RP9: variants seen among roughly 807,000 people sequenced by gnomAD.
RP9 encodes the protein retinitis pigmentosa 9 protein.
RP9 carries 23 observed loss-of-function variants against 32.6 expected under a neutral mutation model. The ratio of observed to expected loss-of-function variants is 0.71; its 90% CI spans 0.51 to 1.00. The LOEUF (loss-of-function observed/expected upper bound fraction) is 1.00, where lower values mean the gene tolerates loss of function less well. Ranked by LOEUF, RP9 falls within the 50% of genes least tolerant of loss-of-function variation. The probability of loss-of-function intolerance (pLI) is 0.00; values close to 1 mark genes in which losing one functional copy is unlikely to be tolerated. For synonymous variants in RP9, 94 were observed against 103.6 expected (o/e 0.91, Z 0.56); for missense variants, 245 against 285.3 (o/e 0.86, Z 1.02).
Position 33,095,142 on chromosome 7 carries a change from G to A in RP9, c.*92C>T, listed in dbSNP as rs532831695. 1.2e-5 allele frequency: 18 copies of A among 1,501,100 alleles called. No homozygotes were observed. The East Asian group carries it at 1.8e-4, about 15-fold the overall frequency. The allele number at this position is 1,501,100 out of a possible 1,614,324, so 93.0% of individuals were successfully genotyped here. ...TGTGACCCACATATACTCCTCTCTC[G>A]GCGTCTCTATCCTGCTGCTTTCTCT... On this transcript the variant is annotated 3_prime_UTR_variant, in exon 6 of 6. Coordinates refer to ENST00000297157, the MANE Select transcript of RP9 (RefSeq NM_203288.2).
At chr7:33,104,418 C>T (rs1378179075) in intron 1 of RP9, among the ~76,000 whole-genome samples, 2 of 151,714 alleles carry the variant, frequency 1.3e-5, no homozygotes, top group East Asian at 3.9e-4. Flanking sequence ...ATGAGTTTAC[C>T]TGTATAACAA....
At chr7:33,102,104 TATA>T (rs1223639750) in intron 1 of RP9, among the ~76,000 whole-genome samples, 1 of 152,164 alleles carries the variant, frequency 6.6e-6, no homozygotes, top group African/African-American at 2.4e-5. Context: ...CATTTGGAAA[TATA>T]ATATTATCAG....
intron 3 of RP9, among the ~76,000 whole-genome samples, chr7:33,098,818 T>A (rs1788380329): frequency 6.6e-6 from 1 of 152,158 alleles, no homozygotes. Context: ...ATTTTTATCT[T>A]CTATAAACCC....
At position 33,109,135 on chromosome 7, in the gene RP9, C is replaced by T; in HGVS notation, c.152+86G>A. 1 of 1,431,904 alleles carries T rather than the reference C, an allele frequency of 7.0e-7. No homozygotes were observed. The highest frequency in any genetic ancestry group is 9.2e-7 in the Non-Finnish European group (1 of 1,091,904). The allele number at this position is 1,431,904 out of a possible 1,614,324, so 88.7% of individuals were successfully genotyped here. A position where few individuals can be genotyped will look rare whatever the true frequency, so the allele number is the denominator to read the frequency against. On this transcript the variant is annotated intron_variant, in intron 1 of 5. Transcript: ENST00000297157. This position sits in a 1 kb window ranked among gnomAD's most constrained non-coding sequence, Gnocchi z 4.9. ...CCTGCTCGCGGGGGCTCGGAGGACC[C>T]GGCCTAGCGCCCACCGCGGCGTCCC...
At chr7:33,100,841 T>C (rs1788413672) in intron 1 of RP9, 1 of 586,696 alleles carries the variant, frequency 1.7e-6, no homozygotes, top group African/African-American at 1.9e-5. Context: ...AGTCTCCAGA[T>C]GGGACAGGCA....
chr7:33,096,294 A>C (rs1412804234), intron 5 of RP9, among the ~76,000 whole-genome samples, 199 bp downstream of exon 5: 3 of 152,216 alleles, frequency 2.0e-5, no homozygotes, highest in African/African-American at 7.2e-5. Flanking sequence ...CATGGCTTTA[A>C]GTTAACCCAA....
At chr7:33,102,713 A>G (rs777939023) in intron 1 of RP9, among the ~76,000 whole-genome samples, 3 of 152,212 alleles carry the variant, frequency 2.0e-5, no homozygotes, top group Non-Finnish European at 2.9e-5. Flanking sequence ...AGAGTCCCTA[A>G]TGCAAGTGTA....
intron 1 of RP9, among the ~76,000 whole-genome samples, chr7:33,105,719 A>G (rs1215313694): frequency 6.6e-6 from 1 of 152,138 alleles, no homozygotes; most frequent in Non-Finnish European, 1.5e-5. Context: ...AAATCTGAAT[A>G]GACAGGGCTT....
At chr7:33,097,116 A>T (rs988141509) in intron 4 of RP9, among the ~76,000 whole-genome samples, 155 bp downstream of exon 4, 1 of 152,240 alleles carries the variant, frequency 6.6e-6, no homozygotes, top group African/African-American at 2.4e-5. Context: ...ATACAAATGT[A>T]ATTTAATAAG....
In RP9 at chr7:33,109,373, G is replaced by C. The variant is rs1423500223; in HGVS notation, c.-1C>G. 4.3e-6 allele frequency: 6 copies of C among 1,386,166 alleles called. No individual in the cohort carries two copies. The highest frequency in any genetic ancestry group is 5.6e-6 in the Non-Finnish European group (6 of 1,068,568). 85.9% of individuals were successfully genotyped at this position (1,386,166 alleles called of 1,614,324 possible). On this transcript the variant is annotated 5_prime_UTR_variant, in exon 1 of 6. Coordinates refer to ENST00000297157, the MANE Select transcript of RP9 (RefSeq NM_203288.2). This position sits in a 1 kb window ranked among gnomAD's most constrained non-coding sequence, Gnocchi z 4.9. ...CCTCGCGCCCAGGCCGGGACGACAT[G>C]TCAGCCCCCGCAGCGCCGCTCGGGC...
At chr7:33,108,545 G>A (rs969461610) in intron 1 of RP9, among the ~76,000 whole-genome samples, 1 of 152,196 alleles carries the variant, frequency 6.6e-6, no homozygotes, top group Non-Finnish European at 1.5e-5. Flanking sequence ...GTTGTAAACA[G>A]AAATTTACAC....
Position 33,108,614 on chromosome 7 carries a change from G to A in RP9, c.152+607C>T, listed in dbSNP as rs1005663086. On this transcript the variant is annotated intron_variant, in intron 1 of 5. Transcript: ENST00000297157. ...GTATCAGGAAGACAGCTGCTTGGGG[G>A]CAACTTTTATCGCCTGAGCGCCTCA... is the stretch of plus-strand genomic sequence containing the variant. Among the ~76,000 whole-genome samples the A allele has an allele frequency of 2.0e-5, 3 of 152,154 alleles. No homozygotes were observed. In the South Asian group the frequency reaches 6.2e-4, roughly 32 times the overall value.
At position 33,095,433 on chromosome 7, in the gene RP9, C is replaced by T; in HGVS notation, c.468-1G>A. On this transcript the variant is annotated splice_acceptor_variant, in intron 5 of 5. Transcript: ENST00000297157. LOFTEE classifies it high-confidence loss of function. ...CAGTAACTGTTTTAACTGCTGTATCCTAAACATTCAAAATTGATCAAAGAA... is the reference window on the plus strand; with the variant it reads ...CAGTAACTGTTTTAACTGCTGTATCTTAAACATTCAAAATTGATCAAAGAA... 6.2e-7 allele frequency: 1 copy of T among 1,613,662 alleles called. No homozygotes were observed. The highest frequency in any genetic ancestry group is 8.5e-7 in the Non-Finnish European group (1 of 1,179,840).
chr7:33,104,426 C>G lies in RP9; in HGVS notation c.153-3865G>C, dbSNP rs570044951. The stretch of plus-strand genomic sequence containing the variant: ...CCATGACATGAGTTTACCTGTATAA[C>G]AAACCTACACAGGTACCCCTAAACC... On this transcript the variant is annotated intron_variant, in intron 1 of 5. Coordinates refer to ENST00000297157, the MANE Select transcript of RP9 (RefSeq NM_203288.2). Among the ~76,000 whole-genome samples, 35 of 150,990 alleles carry G rather than the reference C, an allele frequency of 2.3e-4. No individual in the cohort carries two copies. In the South Asian group the frequency reaches 7.3e-3, roughly 32 times the overall value.
At chr7:33,096,067 T>G (rs1004914836) in intron 5 of RP9, among the ~76,000 whole-genome samples, 1 of 152,210 alleles carries the variant, frequency 6.6e-6, no homozygotes, top group African/African-American at 2.4e-5. Flanking sequence ...CGCCTGGACT[T>G]CAGCGATCCG....
At chr7:33,096,735 C>T (rs1277704499) in intron 4 of RP9, among the ~76,000 whole-genome samples, 181 bp from the exon 5 acceptor site, 1 of 151,888 alleles carries the variant, frequency 6.6e-6, no homozygotes, top group Admixed American at 6.6e-5. Flanking sequence ...ATGGATTTTC[C>T]AATTAGAAAA....
At chr7:33,097,171 T>C in intron 4 of RP9, 100 bp downstream of exon 4, 1 of 869,890 alleles carries the variant, frequency 1.1e-6, no homozygotes, top group East Asian at 2.4e-5. Context: ...CTTCTGGGAA[T>C]GTATTTTATG....
intron 5 of RP9, among the ~76,000 whole-genome samples, chr7:33,095,738 A>G (rs1479090610): frequency 1.3e-5 from 2 of 152,188 alleles, no homozygotes; most frequent in African/African-American, 2.4e-5. Flanking sequence ...CCTACTGCTC[A>G]ATTTCTTAAT....
At chr7:33,108,644 G>A (rs1392764513) in intron 1 of RP9, among the ~76,000 whole-genome samples, 2 of 152,204 alleles carry the variant, frequency 1.3e-5, no homozygotes, top group Admixed American at 6.5e-5. Flanking sequence ...GCCTCATCGG[G>A]ATAACAAAGC....
Sources: allele counts gnomAD v4.1 joint callset (sites outside exome capture counted in the v4.1 genomes callset), GRCh38; gene constraint gnomAD v4.1.1; non-coding constraint Gnocchi (gnomAD v3.1); transcripts MANE v1.5; gene names NCBI Gene and HGNC (gene_info 2026-07-23, HGNC 2026-07-21).